SARM1: variants seen among roughly 807,000 people sequenced by gnomAD.
SARM1 encodes sterile alpha and TIR motif containing 1.
SARM1 carries 60 observed loss-of-function variants against 65.1 expected under a neutral mutation model. That is an observed-to-expected ratio of 0.92 (90% CI 0.75 to 1.14). The LOEUF is 1.14. Among genes scored for constraint, SARM1 ranks in the 50% most tolerant of loss-of-function variants. The pLI is 0.00. For synonymous variants in SARM1, 417 were observed against 465.4 expected, an observed-to-expected ratio of 0.90 and a Z score of 1.34; for missense variants, 913 against 1,015.7, an observed-to-expected ratio of 0.90 and a Z score of 1.37.
chr17:28,388,308 G>T (rs370037595), intron 6 of SARM1, 32 bp downstream of exon 6: 1 of 1,601,812 alleles, frequency 6.2e-7, no homozygotes, highest in East Asian at 2.3e-5. Context: ...GCGACGGGGC[G>T]TGGGGACAAG....
In SARM1 at chr17:28,372,306, C is replaced by G. The variant is rs1171817944; in HGVS notation, c.274C>G (p.Leu92Val). 4.2e-6 allele frequency: 6 copies of G among 1,421,494 alleles called. No homozygotes were observed. The highest frequency in any genetic ancestry group is 5.5e-6 in the Non-Finnish European group (6 of 1,098,102). 88.1% of individuals were successfully genotyped at this position (1,421,494 alleles called of 1,614,324 possible). Residue 92 changes from leucine (L) to valine (V), a missense_variant, in exon 1 of 9, where the codon CTG (leucine) becomes GTG (valine). Around this residue, in one of 3 missense-constraint regions of SARM1, gnomAD observed 862 missense variants for 952.1 expected, o/e 0.91. Transcript: ENST00000585482. This position sits in a 1 kb window ranked among gnomAD's most constrained non-coding sequence, Gnocchi z 5.2. The part of the protein sequence containing the change: ...AGGARAVGAG[L>V]AEVFQLVEEA... ...CGGCGCGCGGGCCGTGGGCGCCGGC[C>G]TGGCCGAGGTCTTCCAACTGGTGGA...
At position 28,402,203 on chromosome 17, in the gene SARM1, TGA is replaced by T; in HGVS notation, c.*5919_*5920del. The T allele has an allele frequency of 6.3e-7, 1 of 1,589,614 alleles. No individual in the cohort carries two copies. The highest frequency in any genetic ancestry group is 8.6e-7 in the Non-Finnish European group (1 of 1,163,206). Reference sequence around the variant, plus strand: ...AGCCCGTTTCGGGCAGCACTGGACATGAGGAACCAGACACAGGTGGGTTCTGA... The same window carrying T: ...AGCCCGTTTCGGGCAGCACTGGACATGGAACCAGACACAGGTGGGTTCTGA... On this transcript the variant is annotated 3_prime_UTR_variant, in exon 9 of 9. Coordinates refer to ENST00000585482, the MANE Select transcript of SARM1 (RefSeq NM_015077.4).
chr17:28,392,113 A>T lies in SARM1; in HGVS notation c.1923+3574A>T, dbSNP rs535214642. 9.3e-3 allele frequency among the ~76,000 whole-genome samples: 1,329 copies of T among 143,626 alleles called. 18 individuals are homozygous for T. Among genetic ancestry groups the T allele is most frequent in the African/African-American group, 0.03 (1,165 of 39,446 alleles). The allele number at this position is 143,626 out of a possible 152,430, so 94.2% of individuals were successfully genotyped here. A position where few individuals can be genotyped will look rare whatever the true frequency, so the allele number is the denominator to read the frequency against. ...ATCCCTTTCTTTTATTTATTTAATT[A>T]TTTTTTTTTTTTTGAGGCACAGTCT... On this transcript the variant is annotated intron_variant, in intron 7 of 8. Transcript: ENST00000585482.
intron 1 of SARM1, among the ~76,000 whole-genome samples, chr17:28,377,957 C>CA (rs1275961898): frequency 4.5e-4 from 68 of 152,308 alleles, no homozygotes; most frequent in African/African-American, 1.6e-3. Flanking sequence ...CTCAGCCTCC[C>CA]AAAGTGCTGG....
At position 28,402,455 on chromosome 17, in the gene SARM1, G is replaced by C; in HGVS notation, c.*6169G>C. The C allele has an allele frequency of 4.3e-6, 3 of 704,154 alleles. No individual in the cohort carries two copies. The highest frequency in any genetic ancestry group is 7.3e-6 in the Non-Finnish European group (3 of 413,398). The allele number at this position is 704,154 out of a possible 1,614,324, so 43.6% of individuals were successfully genotyped here. The stretch of plus-strand genomic sequence containing the variant: ...CAGGAAGAACTTCCTTGATGGTGAG[G>C]GTGGGAAGACAGTAGTCAAGGAGGA... On this transcript the variant is annotated 3_prime_UTR_variant, in exon 9 of 9. Coordinates refer to ENST00000585482, the MANE Select transcript of SARM1 (RefSeq NM_015077.4).
At chr17:28,390,129 G>T (rs1477837586) in intron 7 of SARM1, among the ~76,000 whole-genome samples, 1 of 152,170 alleles carries the variant, frequency 6.6e-6, no homozygotes, top group Non-Finnish European at 1.5e-5. Context: ...GATGTACATT[G>T]GTTTGGTTCA....
chr17:28,383,658 C>A (rs1555585573), intron 2 of SARM1, among the ~76,000 whole-genome samples: 1 of 152,220 alleles, frequency 6.6e-6, no homozygotes, highest in African/African-American at 2.4e-5. Context: ...CATCTCGAGT[C>A]CCACTCTGTG....
chr17:28,372,209 C>G lies in SARM1; in HGVS notation c.177C>G (p.Thr59=). ...GPREVSPGAG[T]EVQDALERAL... ...GCGAAGTGTCGCCGGGGGCAGGCAC[C>G]GAGGTGCAGGACGCCCTGGAGCGCG... is the stretch of plus-strand genomic sequence containing the variant. Residue 59 remains threonine (T), a synonymous_variant, in exon 1 of 9, where the codon ACC becomes ACG. Coordinates refer to ENST00000585482, the MANE Select transcript of SARM1 (RefSeq NM_015077.4). The surrounding 1 kb of genome is among the most constrained non-coding windows in gnomAD (Gnocchi z 5.2). The G allele has an allele frequency of 7.3e-7, 1 of 1,377,368 alleles. No homozygotes were observed. Among genetic ancestry groups the G allele is most frequent in the Non-Finnish European group, 9.3e-7 (1 of 1,074,654 alleles). The allele number at this position is 1,377,368 out of a possible 1,614,324, so 85.3% of individuals were successfully genotyped here.
In SARM1 at chr17:28,399,540, A is replaced by T; in HGVS notation, c.*3254A>T. ...CTTGACTACCTCGTCCAAAGAGAGC[A>T]CTGCCCTTAGACAAGAGTTGCTTGT... is the stretch of plus-strand genomic sequence containing the variant. On this transcript the variant is annotated 3_prime_UTR_variant, in exon 9 of 9. Coordinates refer to ENST00000585482, the MANE Select transcript of SARM1 (RefSeq NM_015077.4). The T allele has an allele frequency of 9.7e-7, 1 of 1,035,114 alleles. No homozygotes were observed. The highest frequency in any genetic ancestry group is 1.5e-6 in the Non-Finnish European group (1 of 678,726). The allele number at this position is 1,035,114 out of a possible 1,614,324, so 64.1% of individuals were successfully genotyped here.
At position 28,399,757 on chromosome 17, in the gene SARM1, C is replaced by G. The variant is rs782273845; in HGVS notation, c.*3471C>G. Reference sequence around the variant, plus strand: ...AGAGTTTGGATTTCATGTGGGGAACCCTCAAGGCCTGTCTGGAGAAGTGAC... The same window carrying G: ...AGAGTTTGGATTTCATGTGGGGAACGCTCAAGGCCTGTCTGGAGAAGTGAC... On this transcript the variant is annotated 3_prime_UTR_variant, in exon 9 of 9. Coordinates refer to ENST00000585482, the MANE Select transcript of SARM1 (RefSeq NM_015077.4). The G allele has an allele frequency of 1.2e-6, 2 of 1,605,742 alleles. No individual in the cohort carries two copies. The highest frequency in any genetic ancestry group is 8.5e-7 in the Non-Finnish European group (1 of 1,172,500).
chr17:28,385,344 G>A lies in SARM1; in HGVS notation c.1630+69G>A, dbSNP rs949590893. 1 of 1,216,518 alleles carries A rather than the reference G, an allele frequency of 8.2e-7. No homozygotes were observed. Among genetic ancestry groups the A allele is most frequent in the Non-Finnish European group, 1.1e-6 (1 of 891,016 alleles). 75.4% of individuals were successfully genotyped at this position (1,216,518 alleles called of 1,614,324 possible). A position where few individuals can be genotyped will look rare whatever the true frequency, so the allele number is the denominator to read the frequency against. ...CCACGGCCCTGGAATGGTGAGGGGA[G>A]ACACGGGGTGGAGCCTTCCAGCCTC... On this transcript the variant is annotated intron_variant, in intron 5 of 8. Coordinates refer to ENST00000585482, the MANE Select transcript of SARM1 (RefSeq NM_015077.4). This position sits in a 1 kb window ranked among gnomAD's most constrained non-coding sequence, Gnocchi z 4.5.
chr17:28,398,331 C>T lies in SARM1; in HGVS notation c.*2045C>T, dbSNP rs2142449061. 6.6e-6 allele frequency: 1 copy of T among 152,586 alleles called. No homozygotes were observed. 9.5% of individuals were successfully genotyped at this position (152,586 alleles called of 1,614,324 possible). A position where few individuals can be genotyped will look rare whatever the true frequency, so the allele number is the denominator to read the frequency against. ...GGTTGACCTCTGCCCGATCTTCTGT[C>T]TCTCTGAGGGAATCAGAGTCCAGCA... On this transcript the variant is annotated 3_prime_UTR_variant, in exon 9 of 9. Transcript: ENST00000585482.
At position 28,381,324 on chromosome 17, in the gene SARM1, A is replaced by G. The variant is rs2068022283; in HGVS notation, c.592A>G (p.Thr198Ala). ...LEHMFKHSEE[T>A]CQRLVAAGGL... ...GCACATGTTCAAGCATTCGGAGGAG[A>G]CATGCCAGAGGCTGGTGGCGGCCGG... The change falls in exon 2 of 9, where the codon ACA becomes GCA. Residue 198 changes from threonine to alanine, a missense_variant. Thr to Ala is a moderately conservative substitution (Grantham distance 58). Coordinates refer to ENST00000585482, the MANE Select transcript of SARM1 (RefSeq NM_015077.4). 14 of 1,600,304 alleles carry G rather than the reference A, an allele frequency of 8.7e-6. No individual in the cohort carries two copies. The highest frequency in any genetic ancestry group is 1.2e-5 in the Non-Finnish European group (14 of 1,174,388).
rs1555589116 is a variant in SARM1 at position 28,399,730 on chromosome 17, A to G, written c.*3444A>G. 6.2e-7 allele frequency: 1 copy of G among 1,613,760 alleles called. No individual in the cohort carries two copies. The highest frequency in any genetic ancestry group is 8.5e-7 in the Non-Finnish European group (1 of 1,179,778). ...TCCAGCATCCTGTGAGAGACCAGAG[A>G]GAGAGTTTGGATTTCATGTGGGGAA... On this transcript the variant is annotated 3_prime_UTR_variant, in exon 9 of 9. Coordinates refer to ENST00000585482, the MANE Select transcript of SARM1 (RefSeq NM_015077.4).
At chr17:28,390,035 T>C (rs2068072548) in intron 7 of SARM1, among the ~76,000 whole-genome samples, 1 of 152,172 alleles carries the variant, frequency 6.6e-6, no homozygotes, top group African/African-American at 2.4e-5. Context: ...CAGGAGACCC[T>C]GAGAACACGT....
Position 28,400,234 on chromosome 17 carries a change from C to A in SARM1, c.*3948C>A. 3.8e-6 allele frequency: 1 copy of A among 261,378 alleles called. No homozygotes were observed. The highest frequency in any genetic ancestry group is 7.4e-6 in the Non-Finnish European group (1 of 134,834). 16.2% of individuals were successfully genotyped at this position (261,378 alleles called of 1,614,324 possible). On this transcript the variant is annotated 3_prime_UTR_variant, in exon 9 of 9. Coordinates refer to ENST00000585482, the MANE Select transcript of SARM1 (RefSeq NM_015077.4). Reference sequence around the variant, plus strand: ...TTAATATCATACAGGAAAAAGTCAGCGGGTCAAGCTAGCCTGTGGCCCAGC... The same window carrying A: ...TTAATATCATACAGGAAAAAGTCAGAGGGTCAAGCTAGCCTGTGGCCCAGC...
rs1264171339 is a variant in SARM1 at position 28,396,512 on chromosome 17, C to T, written c.*226C>T. The stretch of plus-strand genomic sequence containing the variant: ...CTTGGGCACGGGAGGTTAGAACTCC[C>T]CCAGGCCCTGCCATTGGGTTGTCTG... On this transcript the variant is annotated 3_prime_UTR_variant, in exon 9 of 9. Coordinates refer to ENST00000585482, the MANE Select transcript of SARM1 (RefSeq NM_015077.4). 7 of 578,134 alleles carry T rather than the reference C, an allele frequency of 1.2e-5. No individual in the cohort carries two copies. The highest frequency in any genetic ancestry group is 2.1e-5 in the Non-Finnish European group (7 of 326,368). 35.8% of individuals were successfully genotyped at this position (578,134 alleles called of 1,614,324 possible).
In SARM1 at chr17:28,371,744, C is replaced by T; in HGVS notation, c.-289C>T. The T allele has an allele frequency of 3.1e-6, 1 of 318,390 alleles. No individual in the cohort carries two copies. Among genetic ancestry groups the T allele is most frequent in the Non-Finnish European group, 5.7e-6 (1 of 174,008 alleles). 19.7% of individuals were successfully genotyped at this position (318,390 alleles called of 1,614,324 possible). A position where few individuals can be genotyped will look rare whatever the true frequency, so the allele number is the denominator to read the frequency against. ...CCCAGGCCACGCTTTGTTCCAGCCG[C>T]CGCCTCCTCTACCCTACGGCGTCCG... On this transcript the variant is annotated 5_prime_UTR_variant, in exon 1 of 9. Coordinates refer to ENST00000585482, the MANE Select transcript of SARM1 (RefSeq NM_015077.4).
chr17:28,391,452 C>T (rs949366733), intron 7 of SARM1, among the ~76,000 whole-genome samples: 4 of 152,118 alleles, frequency 2.6e-5, no homozygotes, highest in Admixed American at 6.6e-5. Context: ...ATGCAGTCCA[C>T]ATGGAGTGTG....
Sources: gnomAD v4.1 joint callset for allele counts (sites outside exome capture counted in the v4.1 genomes callset) on GRCh38, gnomAD v4.1.1 for gene constraint, gnomAD v4.1.1 regional missense constraint, Gnocchi (gnomAD v3.1) non-coding constraint, MANE v1.5 for transcripts, NCBI Gene and HGNC (gene_info 2026-07-23, HGNC 2026-07-21) for gene names.